The following RBMS3 variants were observed in gnomAD, a reference collection of about 807,000 sequenced individuals.
RBMS3 encodes the protein RNA-binding motif, single-stranded-interacting protein 3.
In RBMS3, 27 loss-of-function variants were observed where a neutral mutation model predicts 66.8. The ratio of observed to expected loss-of-function variants is 0.40; its 90% CI spans 0.30 to 0.56. The LOEUF (loss-of-function observed/expected upper bound fraction) is 0.56. RBMS3 is among the 20% of genes least tolerant of loss of function. The probability of loss-of-function intolerance (pLI) is 0.40; values close to 1 mark genes in which losing one functional copy is unlikely to be tolerated. For synonymous variants in RBMS3, 188 were observed against 183.0 expected (o/e 1.03, Z -0.22); for missense variants, 513 against 549.5 (o/e 0.93, Z 0.66).
intron 6 of RBMS3, among the ~76,000 whole-genome samples, chr3:29,778,411 C>G: frequency 6.6e-6 from 1 of 150,902 alleles, no homozygotes. Context: ...ATCCCCTGTT[C>G]CCAATCTTAT....
At position 29,966,863 on chromosome 3, in the gene RBMS3, C is replaced by A. The variant is rs190940446; in HGVS notation, c.1099-21280C>A. Among the ~76,000 whole-genome samples the A allele has an allele frequency of 1.2e-4, 18 of 152,188 alleles. No homozygotes were observed. The East Asian group carries it at 3.5e-3, about 29-fold the overall frequency. ...TGGCTTTTATTACATTAAGGTATGT[C>A]CCTTGTATGCCAATTTTGCTGAGGG... On this transcript the variant is annotated intron_variant, in intron 12 of 14. Coordinates refer to ENST00000383767, the MANE Select transcript of RBMS3 (RefSeq NM_001003793.3).
chr3:29,463,827 A>G (rs1335007396), intron 2 of RBMS3, among the ~76,000 whole-genome samples: 1 of 152,136 alleles, frequency 6.6e-6, no homozygotes, highest in East Asian at 1.9e-4. Flanking sequence ...ACTACATACT[A>G]CATTAAACTA....
intron 1 of RBMS3, among the ~76,000 whole-genome samples, chr3:29,429,984 G>A (rs543152279): frequency 1.7e-4 from 25 of 151,452 alleles, no homozygotes; most frequent in African/African-American, 5.8e-4. Flanking sequence ...CTGTAGTTTG[G>A]TCATATGTCT....
chr3:29,567,121 T>C (rs546404156), intron 3 of RBMS3, among the ~76,000 whole-genome samples: 1 of 152,076 alleles, frequency 6.6e-6, no homozygotes, highest in Non-Finnish European at 1.5e-5. Flanking sequence ...CTTCATTGGG[T>C]TTGCATATTA....
chr3:29,457,891 T>C (rs544445216), intron 2 of RBMS3, among the ~76,000 whole-genome samples: 1 of 152,198 alleles, frequency 6.6e-6, no homozygotes, highest in South Asian at 2.1e-4. Flanking sequence ...AGGTTGTCTT[T>C]TGCCTACAGG....
At chr3:29,870,113 A>C (rs2059454372) in intron 7 of RBMS3, among the ~76,000 whole-genome samples, 1 of 152,204 alleles carries the variant, frequency 6.6e-6, no homozygotes, top group African/African-American at 2.4e-5. Context: ...ACTGAGCATC[A>C]AAAGCTAATA....
chr3:29,393,639 G>T (rs2039411727), intron 1 of RBMS3, among the ~76,000 whole-genome samples: 1 of 151,944 alleles, frequency 6.6e-6, no homozygotes, highest in African/African-American at 2.4e-5. Context: ...ACTATCGGGG[G>T]AAACAGCCCC....
chr3:29,930,656 A>G (rs2061095506), intron 10 of RBMS3, among the ~76,000 whole-genome samples: 1 of 152,034 alleles, frequency 6.6e-6, no homozygotes, highest in Admixed American at 6.6e-5. Context: ...CAAAAATGTT[A>G]CCAGACATTG....
intron 12 of RBMS3, among the ~76,000 whole-genome samples, chr3:29,944,754 T>C (rs570602619): frequency 6.6e-6 from 1 of 151,870 alleles, no homozygotes; most frequent in East Asian, 2.0e-4. Context: ...TAATTGTTTG[T>C]TGAATGAATC....
intron 4 of RBMS3, among the ~76,000 whole-genome samples, chr3:29,682,277 C>A (rs935224474): frequency 2.0e-5 from 3 of 152,108 alleles, no homozygotes; most frequent in Non-Finnish European, 4.4e-5. Flanking sequence ...TCCTGAGTAG[C>A]TGGGATTACA....
At chr3:29,466,363 A>G (rs1465621500) in intron 2 of RBMS3, among the ~76,000 whole-genome samples, 1 of 152,126 alleles carries the variant, frequency 6.6e-6, no homozygotes, top group Admixed American at 6.5e-5. Context: ...CCTCACAGTG[A>G]ACTCTCCAAA....
At chr3:29,467,758 A>G (rs898718390) in intron 2 of RBMS3, among the ~76,000 whole-genome samples, 7 of 152,234 alleles carry the variant, frequency 4.6e-5, no homozygotes, top group African/African-American at 1.7e-4. Context: ...GAAATAGGAT[A>G]TGTGCTATCA....
intron 4 of RBMS3, among the ~76,000 whole-genome samples, chr3:29,735,272 T>C (rs1165456413): frequency 6.6e-6 from 1 of 152,136 alleles, no homozygotes; most frequent in East Asian, 1.9e-4. Context: ...ACAGCATACA[T>C]ACACTAAAAA....
chr3:29,752,194 G>A (rs1052702613), intron 5 of RBMS3, among the ~76,000 whole-genome samples: 1 of 152,180 alleles, frequency 6.6e-6, no homozygotes, highest in Admixed American at 6.5e-5. Context: ...TTCCCCTGGA[G>A]TTGGGCCATC....
intron 2 of RBMS3, among the ~76,000 whole-genome samples, chr3:29,487,968 T>C (rs1400298466): frequency 6.6e-6 from 1 of 152,226 alleles, no homozygotes; most frequent in East Asian, 1.9e-4. Context: ...CCCAAAGACA[T>C]AAATGTTGAT....
At chr3:29,529,020 A>T (rs2148989608) in intron 3 of RBMS3, among the ~76,000 whole-genome samples, 1 of 152,350 alleles carries the variant, frequency 6.6e-6, no homozygotes, top group Non-Finnish European at 1.5e-5. Context: ...CTGGGATTAC[A>T]GGCATAAGCC....
intron 12 of RBMS3, among the ~76,000 whole-genome samples, chr3:29,944,941 G>A (rs1695197387): frequency 6.6e-6 from 1 of 151,714 alleles, no homozygotes; most frequent in African/African-American, 2.4e-5. Flanking sequence ...TTTGTAATAG[G>A]ATATGTCTAT....
intron 10 of RBMS3, among the ~76,000 whole-genome samples, chr3:29,934,936 T>A (rs1166615188): frequency 1.3e-5 from 2 of 152,076 alleles, no homozygotes. Context: ...AGTGGGTAAT[T>A]AGTTTGGGTG....
At chr3:29,765,079 G>C (rs554066139) in intron 6 of RBMS3, among the ~76,000 whole-genome samples, 1 of 152,054 alleles carries the variant, frequency 6.6e-6, no homozygotes, top group Middle Eastern at 3.4e-3. Flanking sequence ...TTGAATAAAG[G>C]CTTCAAATGC....
Sources: allele counts gnomAD v4.1 joint callset (sites outside exome capture counted in the v4.1 genomes callset), GRCh38; gene constraint gnomAD v4.1.1; transcripts MANE v1.5; gene names NCBI Gene and HGNC (gene_info 2026-07-23, HGNC 2026-07-21).